CHODL: variants seen among roughly 807,000 people sequenced by gnomAD.
CHODL encodes chondrolectin.
A neutral mutation model predicts 34.5 loss-of-function variants in CHODL; 29 were observed. The ratio of observed to expected loss-of-function variants is 0.84; its 90% CI spans 0.63 to 1.15. The LOEUF (loss-of-function observed/expected upper bound fraction) is 1.15, where lower values mean the gene tolerates loss of function less well. CHODL is among the 50% of genes most tolerant of loss of function. CHODL has a pLI of 0.00. For missense variants in CHODL, 332 were observed against 332.5 expected (o/e 1.00, Z 0.01); for synonymous variants, 125 against 116.1 (o/e 1.08, Z -0.49).
intron 2 of CHODL, among the ~76,000 whole-genome samples, chr21:18,183,550 T>C (rs1338947299): frequency 6.6e-6 from 1 of 152,222 alleles, no homozygotes. Flanking sequence ...TTCTCTTTTT[T>C]TCCCTGGGAT....
intron 1 of CHODL, among the ~76,000 whole-genome samples, chr21:17,970,134 T>A (rs1404450386): frequency 1.3e-5 from 2 of 152,180 alleles, no homozygotes. Flanking sequence ...TAAGTGCATC[T>A]ATTCTGTGGT....
At chr21:17,966,065 C>T (rs957001700) in intron 1 of CHODL, among the ~76,000 whole-genome samples, 13 of 151,780 alleles carry the variant, frequency 8.6e-5, no homozygotes, top group African/African-American at 2.4e-4. Flanking sequence ...ATATGTCTAA[C>T]GGAATCCACC....
intron 1 of CHODL, among the ~76,000 whole-genome samples, chr21:18,254,639 T>C (rs1162134844): frequency 3.3e-5 from 5 of 152,126 alleles, no homozygotes; most frequent in Non-Finnish European, 5.9e-5. Context: ...CAATAGAAAG[T>C]CCATTGCTTA....
chr21:18,167,467 G>A (rs1046872917), intron 2 of CHODL, among the ~76,000 whole-genome samples: 8 of 151,546 alleles, frequency 5.3e-5, no homozygotes, highest in African/African-American at 1.7e-4. Context: ...CCACCACCAC[G>A]CCCGGCTAAT....
In CHODL at chr21:18,103,136, T is replaced by A. The variant is rs565167564; in HGVS notation, c.-45+75165T>A. Among the ~76,000 whole-genome samples, 4 of 152,310 alleles carry A rather than the reference T, an allele frequency of 2.6e-5. 1 individual carries two copies. The East Asian group carries it at 7.7e-4, about 29-fold the overall frequency. On this transcript the variant is annotated intron_variant, in intron 2 of 6. Coordinates refer to the CHODL transcript ENST00000400127. ...CATTTCATTTGTTTGTAGCCTCTTC[T>A]CTTATAAAATAGAAATAATAAGATT...
chr21:18,058,642 A>T (rs1411422883), intron 2 of CHODL, among the ~76,000 whole-genome samples: 1 of 152,128 alleles, frequency 6.6e-6, no homozygotes. Flanking sequence ...AAAAAGTTGA[A>T]CTATTTGTGA....
At chr21:18,227,368 A>G (rs2073940136) in intron 2 of CHODL, among the ~76,000 whole-genome samples, 1 of 152,182 alleles carries the variant, frequency 6.6e-6, no homozygotes, top group African/African-American at 2.4e-5. Flanking sequence ...AAGATTCTAA[A>G]CATAAAAACT....
At chr21:17,967,757 G>A (rs1285193894) in intron 1 of CHODL, among the ~76,000 whole-genome samples, 3 of 152,110 alleles carry the variant, frequency 2.0e-5, no homozygotes, top group Admixed American at 6.6e-5. Flanking sequence ...TTTTCAAGCA[G>A]TCTCTGACAT....
chr21:18,174,161 A>ATATATATATATATCTTGGTATAT (rs2073276201), intron 2 of CHODL, among the ~76,000 whole-genome samples: 3 of 85,660 alleles, frequency 3.5e-5, no homozygotes, highest in African/African-American at 6.6e-5. Context: ...ATATATATAT[A>ATATATATATATATCTTGGTATAT]AAATCAAGTC....
At chr21:17,988,565 C>T (rs2063772893) in intron 1 of CHODL, among the ~76,000 whole-genome samples, 1 of 84,586 alleles carries the variant, frequency 1.2e-5, no homozygotes, top group South Asian at 4.7e-4. Flanking sequence ...CACCCCACAA[C>T]AGTCCCCAGA....
chr21:17,975,696 T>C (rs193119267), intron 1 of CHODL, among the ~76,000 whole-genome samples: 1 of 152,290 alleles, frequency 6.6e-6, no homozygotes, highest in East Asian at 1.9e-4. Flanking sequence ...AAAACTCCCC[T>C]TCCTTCAAGG....
intron 1 of CHODL, among the ~76,000 whole-genome samples, chr21:17,999,812 A>G (rs1017411339): frequency 8.5e-5 from 13 of 152,152 alleles, no homozygotes; most frequent in African/African-American, 3.1e-4. Flanking sequence ...GCCAAACCAC[A>G]TCACCTTCCT....
chr21:18,000,694 G>A (rs1217505631), intron 1 of CHODL, among the ~76,000 whole-genome samples: 1 of 152,142 alleles, frequency 6.6e-6, no homozygotes, highest in Non-Finnish European at 1.5e-5. Context: ...TCCAAAAAGT[G>A]TTTCTCCTTG....
At chr21:18,163,664 A>T (rs1336509641) in intron 2 of CHODL, among the ~76,000 whole-genome samples, 1 of 152,200 alleles carries the variant, frequency 6.6e-6, no homozygotes, top group Non-Finnish European at 1.5e-5. Context: ...TTTGCATTAT[A>T]GTACATTTGC....
At chr21:18,233,436 A>G (rs781160757) in intron 2 of CHODL, among the ~76,000 whole-genome samples, 1 of 152,114 alleles carries the variant, frequency 6.6e-6, no homozygotes, top group Non-Finnish European at 1.5e-5. Flanking sequence ...GGGGATGGCT[A>G]TAGTATCATA....
intron 2 of CHODL, among the ~76,000 whole-genome samples, chr21:18,047,399 C>G (rs1360370810): frequency 6.6e-6 from 1 of 151,806 alleles, no homozygotes; most frequent in Non-Finnish European, 1.5e-5. Context: ...TGTCCCCTTC[C>G]CCTCTCAAAC....
intron 1 of CHODL, among the ~76,000 whole-genome samples, chr21:18,012,829 A>G (rs2064031759): frequency 1.3e-5 from 2 of 152,236 alleles, no homozygotes. Flanking sequence ...AATGTAAAAG[A>G]AAATAGTTCA....
intron 2 of CHODL, among the ~76,000 whole-genome samples, chr21:18,096,811 C>A (rs1413362346): frequency 6.6e-6 from 1 of 152,146 alleles, no homozygotes; most frequent in Non-Finnish European, 1.5e-5. Flanking sequence ...CTGTGACCCA[C>A]TCTCTATTCG....
chr21:18,059,138 G>A (rs2064623164), intron 2 of CHODL, among the ~76,000 whole-genome samples: 1 of 152,060 alleles, frequency 6.6e-6, no homozygotes, highest in African/African-American at 2.4e-5. Context: ...TGATAGGATT[G>A]GTGTTGTTAT....
Sources: allele counts gnomAD v4.1 joint callset (sites outside exome capture counted in the v4.1 genomes callset), GRCh38; gene constraint gnomAD v4.1.1; transcripts MANE v1.5; gene names NCBI Gene and HGNC (gene_info 2026-07-23, HGNC 2026-07-21).